The following PARP11 variants were observed in gnomAD, a reference collection of about 807,000 sequenced individuals.
PARP11 encodes the protein poly(ADP-ribose) polymerase family member 11.
In PARP11, 31 loss-of-function variants were observed where a neutral mutation model predicts 42.9. The observed-to-expected ratio is 0.72, with a 90% CI of 0.54 to 0.98. The LOEUF (loss-of-function observed/expected upper bound fraction) is 0.98. Ranked by LOEUF, PARP11 falls within the 50% of genes least tolerant of loss-of-function variation. PARP11 has a pLI of 0.00. For synonymous variants in PARP11, 137 were observed against 127.3 expected (o/e 1.08, Z -0.51); for missense variants, 365 against 413.1 (o/e 0.88, Z 1.01).
At chr12:3,845,872 C>T (rs1947984488) in intron 1 of PARP11, among the ~76,000 whole-genome samples, 1 of 152,174 alleles carries the variant, frequency 6.6e-6, no homozygotes, top group Non-Finnish European at 1.5e-5. Flanking sequence ...GGAGTGGGTG[C>T]ATGTCTTAAT....
At position 3,812,446 on chromosome 12, in the gene PARP11, C is replaced by A. The variant is rs1360301876; in HGVS notation, c.701-7G>T. 2 of 1,590,560 alleles carry A rather than the reference C, an allele frequency of 1.3e-6. No individual in the cohort carries two copies. Among genetic ancestry groups the A allele is most frequent in the Non-Finnish European group, 1.7e-6 (2 of 1,169,234 alleles). ...TCTCTAGCAAAATAGGTTCCTTAAA[C>A]AAAGAGGACCAAGAAAAGCCAAGAT... On this transcript the variant is annotated splice_polypyrimidine_tract_variant and splice_region_variant and intron_variant, in intron 7 of 7. Coordinates refer to ENST00000228820, the MANE Select transcript of PARP11 (RefSeq NM_020367.6).
At chr12:3,871,810 G>A (rs879828417) in intron 1 of PARP11, 1 of 152,162 alleles carries the variant, frequency 6.6e-6, no homozygotes, top group Non-Finnish European at 1.5e-5. Flanking sequence ...TGACACTTTG[G>A]CATGCTGAAT....
At chr12:3,858,974 G>A (rs1409668506) in intron 1 of PARP11, among the ~76,000 whole-genome samples, 1 of 151,632 alleles carries the variant, frequency 6.6e-6, no homozygotes. Flanking sequence ...GTAGGCGCCT[G>A]TAATCCCAGT....
chr12:3,838,533 T>C (rs964592086), intron 1 of PARP11, among the ~76,000 whole-genome samples: 1 of 151,948 alleles, frequency 6.6e-6, no homozygotes, highest in African/African-American at 2.4e-5. Context: ...AATCTAACAA[T>C]GCAGACCTTA....
rs1393952126 is a variant in PARP11 at position 3,809,586 on chromosome 12, G to C, written c.*2537C>G. On this transcript the variant is annotated 3_prime_UTR_variant, in exon 8 of 8. Coordinates refer to ENST00000228820, the MANE Select transcript of PARP11 (RefSeq NM_020367.6). ...AAAAGAAAAACAACTCCCAAATGCT[G>C]TAACAGTTTTTCCATTCAAGTGCTG... 1 of 152,092 alleles carries C rather than the reference G, an allele frequency of 6.6e-6. No individual in the cohort carries two copies. Among genetic ancestry groups the C allele is most frequent in the Non-Finnish European group, 1.5e-5 (1 of 68,014 alleles). The allele number at this position is 152,092 out of a possible 1,614,324, so 9.4% of individuals were successfully genotyped here.
intron 6 of PARP11, among the ~76,000 whole-genome samples, chr12:3,816,279 C>T (rs1314237010): frequency 6.6e-6 from 1 of 152,234 alleles, no homozygotes; most frequent in African/African-American, 2.4e-5. Context: ...GATTCACTCA[C>T]TCAACAAATA....
chr12:3,841,834 G>A, intron 1 of PARP11: 1 of 1,609,016 alleles, frequency 6.2e-7, no homozygotes, highest in South Asian at 1.1e-5. Context: ...TGATGAGAAA[G>A]GAGAATTGGA....
intron 1 of PARP11, chr12:3,839,687 A>G (rs1947847710): frequency 1.0e-6 from 1 of 994,466 alleles, no homozygotes; most frequent in Admixed American, 1.7e-5. Context: ...TCTCCTTCAC[A>G]AGTAACTGAA....
chr12:3,839,294 C>T (rs368301659), intron 1 of PARP11, among the ~76,000 whole-genome samples: 1 of 151,710 alleles, frequency 6.6e-6, no homozygotes, highest in African/African-American at 2.4e-5. Context: ...TGCAGCAGGA[C>T]CAGCAACATG....
At chr12:3,823,624 TAA>T (rs1947451855) in intron 4 of PARP11, among the ~76,000 whole-genome samples, 1 of 152,194 alleles carries the variant, frequency 6.6e-6, no homozygotes, top group Admixed American at 6.5e-5. Flanking sequence ...GCTACTGCAT[TAA>T]GAAAGCTGGC....
In PARP11 at chr12:3,873,354, G is replaced by C. The variant is rs1948530870; in HGVS notation, c.-125C>G. 3 of 858,466 alleles carry C rather than the reference G, an allele frequency of 3.5e-6. No homozygotes were observed. In the African/African-American group the frequency reaches 5.1e-5, roughly 14 times the overall value. 53.2% of individuals were successfully genotyped at this position (858,466 alleles called of 1,614,324 possible). A position where few individuals can be genotyped will look rare whatever the true frequency, so the allele number is the denominator to read the frequency against. Reference sequence around the variant, plus strand: ...GGGACGGAGATGCAACCTTTACGAAGGCCTTCCTCCTCCCCCTCCCTGTCA... The same window carrying C: ...GGGACGGAGATGCAACCTTTACGAACGCCTTCCTCCTCCCCCTCCCTGTCA... On this transcript the variant is annotated 5_prime_UTR_variant, in exon 1 of 8. Coordinates refer to ENST00000228820, the MANE Select transcript of PARP11 (RefSeq NM_020367.6).
At chr12:3,826,307 C>T (rs1254966156) in intron 3 of PARP11, 74 bp from the exon 4 acceptor site, 31 of 1,032,704 alleles carry the variant, frequency 3.0e-5, no homozygotes, top group Middle Eastern at 4.4e-4. Flanking sequence ...AGATTAATAG[C>T]CACGCTACGC....
At chr12:3,838,664 A>G (rs916340459) in intron 1 of PARP11, among the ~76,000 whole-genome samples, 2 of 152,258 alleles carry the variant, frequency 1.3e-5, no homozygotes, top group Non-Finnish European at 2.9e-5. Flanking sequence ...ATGGTGCAAA[A>G]AGCCACATTT....
In PARP11 at chr12:3,826,181, G is replaced by A. The variant is rs756416136; in HGVS notation, c.321C>T (p.Ala107=). The change falls in exon 4 of 8, where the codon GCC becomes GCT. Residue 107 remains alanine, a synonymous_variant. Transcript: ENST00000228820. The part of the protein sequence containing the change: ...TTGKQRLIKR[A]PFSISAFSYI... ...ACCTGAAAGCACTGATAGAAAAGGG[G>A]GCTCTTTTTATTAAGCGCTGCTTTC... 6 of 1,596,728 alleles carry A rather than the reference G, an allele frequency of 3.8e-6. No individual in the cohort carries two copies. Among genetic ancestry groups the A allele is most frequent in the African/African-American group, 1.4e-5 (1 of 73,472 alleles).
chr12:3,815,437 G>A (rs1947266563), intron 6 of PARP11, among the ~76,000 whole-genome samples: 1 of 152,110 alleles, frequency 6.6e-6, no homozygotes, highest in Non-Finnish European at 1.5e-5. Flanking sequence ...AAACAACATT[G>A]CAAATTTGAA....
rs1440647733 is a variant in PARP11, at chr12:3,825,238, GAATAAT to G, written c.344+914_344+919del. Among the ~76,000 whole-genome samples, 6 of 151,906 alleles carry G rather than the reference GAATAAT, an allele frequency of 3.9e-5. No homozygotes were observed. In the East Asian group the frequency reaches 1.2e-3, roughly 29 times the overall value. On this transcript the variant is annotated intron_variant, in intron 4 of 7. Transcript: ENST00000228820. ...TTCCTTCAAGTCCATTCATTCACAT[GAATAAT>G]AAATATGTATTGTCTTCTGACATTT...
chr12:3,834,010 A>G (rs61907084), intron 1 of PARP11, among the ~76,000 whole-genome samples: 18,326 of 152,162 alleles, frequency 0.12, 1,162 homozygotes, highest in African/African-American at 0.14. Context: ...GCCCCCATTC[A>G]AAAGGTAGAA....
At chr12:3,841,448 G>A (rs1007233704) in intron 1 of PARP11, 100 of 1,363,900 alleles carry the variant, frequency 7.3e-5, no homozygotes, top group Admixed American at 1.3e-4. Flanking sequence ...CAGAATTAAA[G>A]TGATTGTACC....
chr12:3,842,153 A>G, intron 1 of PARP11: 1 of 1,612,172 alleles, frequency 6.2e-7, no homozygotes, highest in Non-Finnish European at 8.5e-7. Context: ...AAAAAACAGA[A>G]AAAGTAAAAG....
Sources: allele counts gnomAD v4.1 joint callset (sites outside exome capture counted in the v4.1 genomes callset), GRCh38; gene constraint gnomAD v4.1.1; transcripts MANE v1.5; gene names NCBI Gene and HGNC (gene_info 2026-07-23, HGNC 2026-07-21).